Variants in ATP8A1 observed in about 807,000 individuals in gnomAD.
ATP8A1 encodes the protein phospholipid-transporting ATPase IA.
In ATP8A1, 90 loss-of-function variants were observed where a neutral mutation model predicts 177.7. That is an observed-to-expected ratio of 0.51 (90% CI 0.43 to 0.60). ATP8A1 has a LOEUF of 0.60. Ranked by LOEUF, ATP8A1 falls within the 20% of genes least tolerant of loss-of-function variation. ATP8A1 has a pLI of 0.00. For synonymous variants in ATP8A1, 493 were observed against 485.9 expected, an observed-to-expected ratio of 1.01 and a Z score of -0.19; for missense variants, 1,072 against 1,392.8, an observed-to-expected ratio of 0.77 and a Z score of 3.67.
At chr4:42,649,654 T>C (rs764189447) in intron 1 of ATP8A1, among the ~76,000 whole-genome samples, 3 of 152,138 alleles carry the variant, frequency 2.0e-5, no homozygotes, top group Admixed American at 6.6e-5. Flanking sequence ...TCAACAAATA[T>C]AGAGTGGTGG....
chr4:42,480,008 G>GTGTGTGTGTGTGTGTT (rs1553883674), intron 25 of ATP8A1, among the ~76,000 whole-genome samples: 4,150 of 150,046 alleles, frequency 0.028, 143 homozygotes, highest in African/African-American at 0.068. Context: ...GTGTGTGTGT[G>GTGTGTGTGTGTGTGTT]TGTGTGTGTG....
intron 5 of ATP8A1, among the ~76,000 whole-genome samples, chr4:42,600,775 T>C (rs1735167759): frequency 1.3e-5 from 2 of 152,056 alleles, no homozygotes; most frequent in African/African-American, 4.8e-5. Flanking sequence ...CTTTAGCACA[T>C]AGAGGAACTA....
chr4:42,536,491 A>T (rs945753855), intron 20 of ATP8A1, among the ~76,000 whole-genome samples: 9 of 152,212 alleles, frequency 5.9e-5, no homozygotes, highest in African/African-American at 1.7e-4. Context: ...CCAGGACCAG[A>T]CTAATTCACA....
intron 27 of ATP8A1, among the ~76,000 whole-genome samples, chr4:42,462,914 T>C (rs916143873): frequency 2.0e-4 from 30 of 152,230 alleles, no homozygotes; most frequent in Non-Finnish European, 3.4e-4. Context: ...AAGGTTTTAC[T>C]GCCCTGCTGG....
intron 25 of ATP8A1, among the ~76,000 whole-genome samples, chr4:42,477,175 CTGAATGAATAAG>C (rs1446055729): frequency 6.6e-6 from 1 of 152,124 alleles, no homozygotes; most frequent in African/African-American, 2.4e-5. Flanking sequence ...AAAACACTTG[CTGAATGAATAAG>C]TGAATGAATA....
chr4:42,574,043 A>G (rs1732168645), intron 14 of ATP8A1, among the ~76,000 whole-genome samples: 1 of 152,236 alleles, frequency 6.6e-6, no homozygotes, highest in South Asian at 2.1e-4. Flanking sequence ...ACCTGGAAGT[A>G]AGAAATAAAT....
chr4:42,615,551 C>T (rs977691089), intron 5 of ATP8A1, among the ~76,000 whole-genome samples: 2 of 152,056 alleles, frequency 1.3e-5, no homozygotes, highest in Non-Finnish European at 1.5e-5. Context: ...AAGAGCTGTG[C>T]CAAAATGCCA....
At chr4:42,425,277 A>G (rs534943530) in intron 33 of ATP8A1, among the ~76,000 whole-genome samples, 10 of 152,314 alleles carry the variant, frequency 6.6e-5, no homozygotes, top group African/African-American at 2.2e-4. Flanking sequence ...CTTGTATTAA[A>G]TGTCCACCAG....
chr4:42,530,359 G>A (rs1727137603), intron 20 of ATP8A1, among the ~76,000 whole-genome samples: 1 of 152,220 alleles, frequency 6.6e-6, no homozygotes. Flanking sequence ...CATGAAAAGG[G>A]CAGAGGTTTA....
intron 13 of ATP8A1, among the ~76,000 whole-genome samples, 199 bp from the exon 14 acceptor site, chr4:42,574,906 T>C (rs1732287586): frequency 6.6e-6 from 1 of 152,210 alleles, no homozygotes; most frequent in South Asian, 2.1e-4. Context: ...CATATGAATA[T>C]TAAAGACTAT....
intron 1 of ATP8A1, among the ~76,000 whole-genome samples, chr4:42,636,601 T>G (rs1739418416): frequency 6.6e-6 from 1 of 152,146 alleles, no homozygotes; most frequent in African/African-American, 2.4e-5. Context: ...ATGACAACAG[T>G]AGCCAGAGGA....
chr4:42,478,876 C>T (rs1279868066), intron 25 of ATP8A1, among the ~76,000 whole-genome samples: 1 of 152,120 alleles, frequency 6.6e-6, no homozygotes, highest in Non-Finnish European at 1.5e-5. Flanking sequence ...AATGGAGCCA[C>T]CAGATTGTGC....
At chr4:42,542,610 C>T (rs116564275) in intron 20 of ATP8A1, among the ~76,000 whole-genome samples, 11,541 of 152,018 alleles carry the variant, frequency 0.076, 588 homozygotes, top group African/African-American at 0.14. Flanking sequence ...CACCCTGCAA[C>T]GGTGTGTAAT....
Position 42,414,700 on chromosome 4 carries a change from T to C in ATP8A1, c.3324A>G (p.Gln1108=), listed in dbSNP as rs758839266. 1 of 1,613,938 alleles carries C rather than the reference T, an allele frequency of 6.2e-7. No homozygotes were observed. The highest frequency in any genetic ancestry group is 1.3e-5 in the African/African-American group (1 of 75,038). ...VLGKSLTERA[Q]LLKNVFKKNH... is the part of the protein sequence containing the mutation. ...TCTTCTTAAAGACGTTCTTGAGCAGTTGCGCCCTCTCGGTCAGGCTGCAGA... is the reference window on the plus strand; with the variant it reads ...TCTTCTTAAAGACGTTCTTGAGCAGCTGCGCCCTCTCGGTCAGGCTGCAGA... Residue 1108 remains glutamine, a synonymous_variant, in exon 36 of 37, where the codon CAA becomes CAG. Transcript: ENST00000381668.
chr4:42,490,710 C>T (rs1221534637), intron 24 of ATP8A1, among the ~76,000 whole-genome samples: 1 of 152,124 alleles, frequency 6.6e-6, no homozygotes, highest in Non-Finnish European at 1.5e-5. Flanking sequence ...TTCCTTTAAG[C>T]CTACCTAAAA....
intron 25 of ATP8A1, among the ~76,000 whole-genome samples, chr4:42,474,017 T>C (rs1720781733): frequency 6.6e-6 from 1 of 152,150 alleles, no homozygotes; most frequent in African/African-American, 2.4e-5. Flanking sequence ...CTTCCTATGT[T>C]GTGTGGATAA....
intron 14 of ATP8A1, among the ~76,000 whole-genome samples, chr4:42,571,465 T>A (rs1211807528): frequency 2.7e-5 from 4 of 145,460 alleles, no homozygotes; most frequent in African/African-American, 1.0e-4. Context: ...AGGTCTAAAT[T>A]TTTTTTTTTT....
chr4:42,504,832 G>GC (rs1724205226), intron 23 of ATP8A1, among the ~76,000 whole-genome samples: 1 of 152,232 alleles, frequency 6.6e-6, no homozygotes, highest in Admixed American at 6.5e-5. Flanking sequence ...GGCCTGGGAG[G>GC]CCCCGTCCAC....
At chr4:42,569,083 G>T in intron 15 of ATP8A1, 78 bp downstream of exon 15, 1 of 824,642 alleles carries the variant, frequency 1.2e-6, no homozygotes, top group Non-Finnish European at 1.7e-6. Context: ...ATAAAAGAGA[G>T]TGAAATGTGT....
Sources: allele counts gnomAD v4.1 joint callset (sites outside exome capture counted in the v4.1 genomes callset), GRCh38; gene constraint gnomAD v4.1.1; transcripts MANE v1.5; gene names NCBI Gene and HGNC (gene_info 2026-07-23, HGNC 2026-07-21).